RBFOX1: variants seen among roughly 807,000 people sequenced by gnomAD.
The protein encoded by RBFOX1 is RNA binding protein fox-1 homolog 1.
RBFOX1 carries 8 observed loss-of-function variants against 57.7 expected under a neutral mutation model. The observed-to-expected ratio is 0.14, with a 90% CI of 0.08 to 0.25. The LOEUF (loss-of-function observed/expected upper bound fraction) is 0.25, where lower values mean the gene tolerates loss of function less well. Among genes scored for constraint, RBFOX1 ranks in the 10% least tolerant of loss-of-function variants. The probability of loss-of-function intolerance (pLI) is 1.00; values close to 1 mark genes in which losing one functional copy is unlikely to be tolerated. For missense variants in RBFOX1, 611 were observed against 548.5 expected (o/e 1.11, Z -1.14); for synonymous variants, 326 against 222.4 (o/e 1.47, Z -4.15).
intron 2 of RBFOX1, among the ~76,000 whole-genome samples, chr16:5,563,940 CCTAGATGTGGTTAGGAACCA>C (rs1210712559): frequency 6.6e-6 from 1 of 152,122 alleles, no homozygotes; most frequent in Non-Finnish European, 1.5e-5. Context: ...GAGACTATGA[CCTAGATGTGGTTAGGAACCA>C]CGTCATTTTT....
intron 4 of RBFOX1, among the ~76,000 whole-genome samples, chr16:6,007,429 C>G (rs1462414172): frequency 1.3e-5 from 2 of 152,162 alleles, no homozygotes; most frequent in Non-Finnish European, 2.9e-5. Context: ...ACTGAGCAGG[C>G]AGCTGGATCC....
intron 1 of RBFOX1, among the ~76,000 whole-genome samples, chr16:5,281,008 C>G (rs1010170150): frequency 2.6e-5 from 4 of 151,810 alleles, no homozygotes; most frequent in East Asian, 3.9e-4. Flanking sequence ...TTTTGAGTTC[C>G]TTGAGGTGCA....
intron 4 of RBFOX1, among the ~76,000 whole-genome samples, chr16:7,102,023 A>C (rs570524954): frequency 6.6e-6 from 1 of 152,240 alleles, no homozygotes; most frequent in African/African-American, 2.4e-5. Context: ...AAATTTACAT[A>C]AGCTACCAGT....
At chr16:6,989,791 G>A (rs888532186) in intron 3 of RBFOX1, among the ~76,000 whole-genome samples, 1 of 152,126 alleles carries the variant, frequency 6.6e-6, no homozygotes, top group Non-Finnish European at 1.5e-5. Context: ...CCTGAGGTCA[G>A]GATTTCGAAA....
At chr16:6,128,787 G>C (rs1338689839) in intron 1 of RBFOX1, among the ~76,000 whole-genome samples, 1 of 152,210 alleles carries the variant, frequency 6.6e-6, no homozygotes, top group Non-Finnish European at 1.5e-5. Context: ...GGTAAAACAA[G>C]AATCTGTGCA....
intron 3 of RBFOX1, chr16:6,722,050 C>G (rs985030686): frequency 1.3e-5 from 2 of 152,346 alleles, no homozygotes; most frequent in South Asian, 2.1e-4. Context: ...TATGTATCTA[C>G]TGATGAACGC....
chr16:6,164,532 T>C (rs9923921), intron 1 of RBFOX1, among the ~76,000 whole-genome samples: 3,482 of 151,726 alleles, frequency 0.023, 140 homozygotes, highest in African/African-American at 0.079. Context: ...AGTGGTGCTA[T>C]CTCGGCCCAC....
At chr16:7,687,633 C>G (rs2076342076) in intron 14 of RBFOX1, among the ~76,000 whole-genome samples, 1 of 152,012 alleles carries the variant, frequency 6.6e-6, no homozygotes, top group African/African-American at 2.4e-5. Context: ...CAAGAATAAA[C>G]TGATTATTGT....
intron 3 of RBFOX1, among the ~76,000 whole-genome samples, chr16:6,958,502 T>C (rs141972751): frequency 6.6e-6 from 1 of 152,270 alleles, no homozygotes; most frequent in Non-Finnish European, 1.5e-5. Context: ...GATACAATGG[T>C]CTGTTGACTT....
chr16:5,324,302 A>C (rs1009523648), intron 1 of RBFOX1, among the ~76,000 whole-genome samples: 3 of 152,164 alleles, frequency 2.0e-5, no homozygotes, highest in Non-Finnish European at 2.9e-5. Context: ...ATCTCTACTA[A>C]AAATGCAAAA....
chr16:6,106,684 T>C (rs2096383902), intron 1 of RBFOX1, among the ~76,000 whole-genome samples: 1 of 152,068 alleles, frequency 6.6e-6, no homozygotes, highest in African/African-American at 2.4e-5. Context: ...TTTCCTTTTT[T>C]TGAGACGGAG....
chr16:7,106,984 A>AAAACAC (rs529197707), intron 4 of RBFOX1, among the ~76,000 whole-genome samples: 9 of 148,514 alleles, frequency 6.1e-5, no homozygotes, highest in Non-Finnish European at 1.2e-4. Flanking sequence ...ACACAGTTAA[A>AAAACAC]ACACACACAC....
At chr16:5,578,971 C>T (rs190349688) in intron 2 of RBFOX1, among the ~76,000 whole-genome samples, 1 of 150,812 alleles carries the variant, frequency 6.6e-6, no homozygotes, top group African/African-American at 2.4e-5. Context: ...CCTCAGCCTT[C>T]TGAGTAGCTG....
intron 2 of RBFOX1, among the ~76,000 whole-genome samples, chr16:6,570,847 T>C (rs1567721755): frequency 1.3e-5 from 2 of 152,208 alleles, no homozygotes; most frequent in African/African-American, 4.8e-5. Flanking sequence ...GAAATACCAT[T>C]CTTGATGGGT....
chr16:6,038,743 T>A (rs1330460185), intron 1 of RBFOX1: 2 of 149,852 alleles, frequency 1.3e-5, no homozygotes, highest in Non-Finnish European at 3.0e-5. Flanking sequence ...TTGATTTTTT[T>A]TTTTTTTCTT....
chr16:7,389,788 A>G (rs548131381), intron 4 of RBFOX1, among the ~76,000 whole-genome samples: 1 of 152,132 alleles, frequency 6.6e-6, no homozygotes, highest in African/African-American at 2.4e-5. Context: ...GAGTATATAG[A>G]ATGTTCCTTC....
At chr16:6,702,210 C>T (rs1040128630) in intron 3 of RBFOX1, among the ~76,000 whole-genome samples, 6 of 152,260 alleles carry the variant, frequency 3.9e-5, no homozygotes, top group African/African-American at 1.4e-4. Context: ...AGTAGACCCA[C>T]CTCCAACACT....
intron 4 of RBFOX1, among the ~76,000 whole-genome samples, chr16:7,110,073 T>C (rs1037552056): frequency 6.6e-6 from 1 of 151,634 alleles, no homozygotes; most frequent in African/African-American, 2.4e-5. Context: ...TAAGAATCTC[T>C]GTGTGGTGGC....
At position 6,097,640 on chromosome 16, in the gene RBFOX1, A is replaced by T. The variant is rs1252676905; in HGVS notation, c.-127+77648A>T. On this transcript the variant is annotated intron_variant, in intron 1 of 15. Transcript: ENST00000550418. The surrounding 1 kb of genome is among the most constrained non-coding windows in gnomAD (Gnocchi z 5.0). ...AAATGAGTCAGTAGGAGGAAAAGTG[A>T]TTGACTCAAGTGCTTAATAAGTGTC... Among the ~76,000 whole-genome samples the T allele has an allele frequency of 6.6e-6, 1 of 152,094 alleles. No homozygotes were observed. The highest frequency in any genetic ancestry group is 1.9e-4 in the East Asian group (1 of 5,180).
Sources: allele counts gnomAD v4.1 joint callset (sites outside exome capture counted in the v4.1 genomes callset), GRCh38; gene constraint gnomAD v4.1.1; non-coding constraint Gnocchi (gnomAD v3.1); transcripts MANE v1.5; gene names NCBI Gene and HGNC (gene_info 2026-07-23, HGNC 2026-07-21).